The following KCNIP4 variants were observed in gnomAD, a reference collection of about 807,000 sequenced individuals.
The protein encoded by KCNIP4 is potassium voltage-gated channel interacting protein 4.
Under a neutral mutation model 34.0 loss-of-function variants are expected in KCNIP4, and 12 were observed. That is an observed-to-expected ratio of 0.35 (90% CI 0.23 to 0.57). The LOEUF (loss-of-function observed/expected upper bound fraction) is 0.57, where lower values mean the gene tolerates loss of function less well. KCNIP4 is among the 20% of genes least tolerant of loss of function. KCNIP4 has a pLI of 0.83. For synonymous variants in KCNIP4, 124 were observed against 102.2 expected (o/e 1.21, Z -1.29); for missense variants, 238 against 311.7 (o/e 0.76, Z 1.78).
chr4:21,341,479 A>G (rs1456918077), intron 1 of KCNIP4, among the ~76,000 whole-genome samples: 1 of 152,146 alleles, frequency 6.6e-6, no homozygotes, highest in Non-Finnish European at 1.5e-5. Flanking sequence ...TCTTTATGCA[A>G]AAGTGTCTTC....
intron 3 of KCNIP4, among the ~76,000 whole-genome samples, chr4:20,811,362 A>G (rs1715729957): frequency 6.6e-6 from 1 of 152,210 alleles, no homozygotes; most frequent in Non-Finnish European, 1.5e-5. Context: ...TTGAAACTAT[A>G]CACATACAGC....
At chr4:21,309,310 A>G (rs1712859366) in intron 1 of KCNIP4, among the ~76,000 whole-genome samples, 1 of 152,082 alleles carries the variant, frequency 6.6e-6, no homozygotes, top group South Asian at 2.1e-4. Context: ...TTTGTTTCTG[A>G]TTGTTCATCT....
At chr4:20,977,343 C>A (rs1176178479) in intron 1 of KCNIP4, among the ~76,000 whole-genome samples, 1 of 152,106 alleles carries the variant, frequency 6.6e-6, no homozygotes, top group Non-Finnish European at 1.5e-5. Context: ...CCAAAGGCAC[C>A]AAAATGAGCT....
At chr4:21,528,679 GAA>G (rs1311341416) in intron 1 of KCNIP4, among the ~76,000 whole-genome samples, 1 of 2,774 alleles carries the variant, frequency 3.6e-4, no homozygotes, top group East Asian at 0.028. Flanking sequence ...AAAAAACAAA[GAA>G]AGAAAGAAAG....
chr4:21,254,824 C>A (rs1002295345), intron 1 of KCNIP4, among the ~76,000 whole-genome samples: 1 of 152,094 alleles, frequency 6.6e-6, no homozygotes, highest in Non-Finnish European at 1.5e-5. Context: ...AACTTTAAAC[C>A]CTTTACTCTT....
intron 1 of KCNIP4, among the ~76,000 whole-genome samples, chr4:21,104,592 A>T (rs1402523439): frequency 2.0e-5 from 3 of 151,990 alleles, no homozygotes; most frequent in East Asian, 1.9e-4. Context: ...GAAGCTCTTT[A>T]GTTTAATTAG....
intron 1 of KCNIP4, among the ~76,000 whole-genome samples, chr4:21,259,099 G>C (rs16870637): frequency 0.079 from 12,053 of 152,196 alleles, 565 homozygotes; most frequent in South Asian, 0.21. Context: ...CATACTGATA[G>C]TTCATAGTGA....
At chr4:21,201,260 A>G (rs528195736) in intron 1 of KCNIP4, among the ~76,000 whole-genome samples, 2 of 152,328 alleles carry the variant, frequency 1.3e-5, no homozygotes, top group South Asian at 2.1e-4. Context: ...CATAAAGCTA[A>G]CTCAAATCTA....
chr4:21,809,143 A>G (rs1452537691), intron 1 of KCNIP4, among the ~76,000 whole-genome samples: 3 of 61,216 alleles, frequency 4.9e-5, no homozygotes, highest in Non-Finnish European at 1.1e-4. Flanking sequence ...TTAGCATTTG[A>G]GTAAGTAGAC....
chr4:21,894,927 T>C (rs1232654936), intron 1 of KCNIP4, among the ~76,000 whole-genome samples: 2 of 152,172 alleles, frequency 1.3e-5, no homozygotes, highest in Non-Finnish European at 2.9e-5. Context: ...TCGACTATCA[T>C]TCCTGTAGAG....
intron 1 of KCNIP4, among the ~76,000 whole-genome samples, chr4:21,707,625 A>C (rs531387321): frequency 6.6e-6 from 1 of 152,232 alleles, no homozygotes; most frequent in South Asian, 2.1e-4. Flanking sequence ...AGATGGGAGC[A>C]GATGTGATTA....
intron 1 of KCNIP4, among the ~76,000 whole-genome samples, chr4:21,078,873 G>T (rs1170782955): frequency 6.6e-6 from 1 of 152,010 alleles, no homozygotes; most frequent in Non-Finnish European, 1.5e-5. Context: ...TATTTATTTG[G>T]TTGTTCAAAC....
At chr4:21,159,380 G>GGTATTCAAATGAAAATTATTTAATTC (rs1239399473) in intron 1 of KCNIP4, among the ~76,000 whole-genome samples, 19 of 28,472 alleles carry the variant, frequency 6.7e-4, no homozygotes, top group African/African-American at 1.3e-3. Flanking sequence ...TTATACTAAA[G>GGTATTCAAATGAAAATTATTTAATTC]ATATGTTTGA....
In KCNIP4 at chr4:21,502,081, G is replaced by C. The variant is rs75446207; in HGVS notation, c.61+446490C>G. ...AGGATATAACTCTAATTATGGTTTCGACCCAATTCCCCCTGGAGTCCCCAA... is the reference window on the plus strand; with the variant it reads ...AGGATATAACTCTAATTATGGTTTCCACCCAATTCCCCCTGGAGTCCCCAA... On this transcript the variant is annotated intron_variant, in intron 1 of 8. Transcript: ENST00000382152. Among the ~76,000 whole-genome samples the C allele has an allele frequency of 0.011, 1,733 of 151,534 alleles. 69 individuals are homozygous for C. In the East Asian group the frequency reaches 0.12, roughly 10 times the overall value.
chr4:21,666,805 C>T (rs62302866), intron 1 of KCNIP4, among the ~76,000 whole-genome samples: 42,795 of 151,906 alleles, frequency 0.28, 7,206 homozygotes, highest in East Asian at 0.74. Context: ...TTAAAAGATA[C>T]GCTTCAGCTA....
chr4:20,904,238 C>G (rs1330958435), intron 1 of KCNIP4, among the ~76,000 whole-genome samples: 1 of 151,176 alleles, frequency 6.6e-6, no homozygotes, highest in Admixed American at 6.6e-5. Flanking sequence ...ATACAAGAAT[C>G]CAGGGAAATT....
intron 1 of KCNIP4, among the ~76,000 whole-genome samples, chr4:21,934,856 T>C (rs548326783): frequency 6.6e-6 from 1 of 152,246 alleles, no homozygotes; most frequent in African/African-American, 2.4e-5. Flanking sequence ...CTCAATTTAC[T>C]TATCAATAAA....
chr4:21,629,099 GACA>G (rs1745535784), intron 1 of KCNIP4, among the ~76,000 whole-genome samples: 2 of 152,302 alleles, frequency 1.3e-5, no homozygotes, highest in South Asian at 4.1e-4. Flanking sequence ...GAGGTAGGCT[GACA>G]GATGGTTGGG....
intron 1 of KCNIP4, among the ~76,000 whole-genome samples, chr4:21,507,184 T>A (rs1417358332): frequency 6.6e-6 from 1 of 152,032 alleles, no homozygotes; most frequent in Admixed American, 6.6e-5. Context: ...ACTATTGAGA[T>A]CCATTGTACT....
Sources: allele counts gnomAD v4.1 joint callset (sites outside exome capture counted in the v4.1 genomes callset), GRCh38; gene constraint gnomAD v4.1.1; transcripts MANE v1.5; gene names NCBI Gene and HGNC (gene_info 2026-07-23, HGNC 2026-07-21).